The following PRKCA variants were observed in gnomAD, a reference collection of about 807,000 sequenced individuals.
The protein encoded by PRKCA is protein kinase C alpha type.
PRKCA carries 27 observed loss-of-function variants against 87.0 expected under a neutral mutation model. The ratio of observed to expected loss-of-function variants is 0.31; its 90% CI spans 0.23 to 0.43. PRKCA has a LOEUF of 0.43. Among genes scored for constraint, PRKCA ranks in the 20% least tolerant of loss-of-function variants. PRKCA has a pLI of 1.00. For synonymous variants in PRKCA, 329 were observed against 311.1 expected, an observed-to-expected ratio of 1.06 and a Z score of -0.61; for missense variants, 518 against 852.3, an observed-to-expected ratio of 0.61 and a Z score of 4.88.
At chr17:66,625,145 A>G (rs1470060668) in intron 3 of PRKCA, among the ~76,000 whole-genome samples, 2 of 152,222 alleles carry the variant, frequency 1.3e-5, no homozygotes, top group Admixed American at 6.5e-5. Context: ...GTTTCCTCTT[A>G]CGGATACCAA....
chr17:66,589,893 C>G (rs1969744709), intron 3 of PRKCA, among the ~76,000 whole-genome samples: 2 of 152,138 alleles, frequency 1.3e-5, no homozygotes, highest in Admixed American at 6.5e-5. Context: ...GATCATTAGG[C>G]ATTAGATTCT....
rs545334444 is a variant in PRKCA at position 66,686,961 on chromosome 17, T to C, written c.530-150T>C. On this transcript the variant is annotated intron_variant, in intron 5 of 16. Transcript: ENST00000413366. ...TGGTGGCAGCGGGTAGCTTTTCTCA[T>C]GTCGAGTGTTAGAGGCTTTTGGCTT... is the stretch of plus-strand genomic sequence containing the variant. 4 of 678,092 alleles carry C rather than the reference T, an allele frequency of 5.9e-6. No individual in the cohort carries two copies. The South Asian group carries it at 6.6e-5, about 11-fold the overall frequency. The allele number at this position is 678,092 out of a possible 1,614,324, so 42.0% of individuals were successfully genotyped here.
At chr17:66,537,205 T>C (rs1304528852) in intron 3 of PRKCA, among the ~76,000 whole-genome samples, 1 of 152,162 alleles carries the variant, frequency 6.6e-6, no homozygotes, top group Non-Finnish European at 1.5e-5. Flanking sequence ...TTTGTTCTTT[T>C]TGAGGTCTGT....
intron 2 of PRKCA, among the ~76,000 whole-genome samples, chr17:66,307,515 T>C (rs1463299800): frequency 6.6e-6 from 1 of 152,198 alleles, no homozygotes; most frequent in Admixed American, 6.5e-5. Context: ...AGAAAATTTT[T>C]GTACTGAATC....
At chr17:66,623,329 G>A (rs1442519526) in intron 3 of PRKCA, among the ~76,000 whole-genome samples, 2 of 152,060 alleles carry the variant, frequency 1.3e-5, no homozygotes, top group East Asian at 1.9e-4. Flanking sequence ...ACACATCAGC[G>A]GGCAATAGAT....
intron 2 of PRKCA, among the ~76,000 whole-genome samples, chr17:66,453,650 C>T (rs948304217): frequency 6.6e-6 from 1 of 152,100 alleles, no homozygotes; most frequent in Non-Finnish European, 1.5e-5. Context: ...TGCTTGCCTC[C>T]CTTTGCGCCG....
In PRKCA at chr17:66,738,796, C is replaced by T. The variant is rs56286405; in HGVS notation, c.1263C>T (p.Asn421=). Residue 421 remains asparagine (N), a synonymous_variant, in exon 11 of 17, where the codon AAC becomes AAT. Transcript: ENST00000413366. ...TGTACTTCGTCATGGAATATGTCAA[C>T]GGTGGGGACCTCATGTACCACATTC... is the stretch of plus-strand genomic sequence containing the variant. ...DRLYFVMEYV[N]GGDLMYHIQQ... 524 of 1,613,568 alleles carry T rather than the reference C, an allele frequency of 3.2e-4. No individual in the cohort carries two copies. The highest frequency in any genetic ancestry group is 5.8e-4 in the Admixed American group (35 of 59,870).
At chr17:66,709,686 T>C (rs1049853935) in intron 8 of PRKCA, among the ~76,000 whole-genome samples, 3 of 152,138 alleles carry the variant, frequency 2.0e-5, no homozygotes, top group African/African-American at 7.2e-5. Context: ...GATAGGTTTT[T>C]TTTTTTCCCT....
intron 8 of PRKCA, among the ~76,000 whole-genome samples, chr17:66,709,835 A>G (rs1284003190): frequency 6.6e-6 from 1 of 152,166 alleles, no homozygotes; most frequent in Non-Finnish European, 1.5e-5. Flanking sequence ...CAAGATATTG[A>G]AGAGCCTTCT....
intron 2 of PRKCA, among the ~76,000 whole-genome samples, chr17:66,439,186 TC>T (rs893189944): frequency 5.5e-5 from 8 of 145,432 alleles, no homozygotes; most frequent in South Asian, 2.3e-4. Context: ...TTCTTTTCTT[TC>T]TTTTTTTTAT....
At chr17:66,390,348 T>G (rs1910293491) in intron 2 of PRKCA, among the ~76,000 whole-genome samples, 1 of 152,228 alleles carries the variant, frequency 6.6e-6, no homozygotes, top group African/African-American at 2.4e-5. Context: ...AGTCAAAATA[T>G]AGTTATAGGA....
intron 3 of PRKCA, among the ~76,000 whole-genome samples, chr17:66,633,243 G>C (rs1334302631): frequency 1.3e-5 from 2 of 151,842 alleles, no homozygotes; most frequent in Non-Finnish European, 2.9e-5. Flanking sequence ...CATATGACTT[G>C]GTTTTGGTAA....
chr17:66,319,965 A>G (rs1022741447), intron 2 of PRKCA, among the ~76,000 whole-genome samples: 2 of 152,048 alleles, frequency 1.3e-5, no homozygotes, highest in Non-Finnish European at 2.9e-5. Context: ...GCTGGTCTTG[A>G]ACACCTGACC....
intron 16 of PRKCA, among the ~76,000 whole-genome samples, chr17:66,799,568 ATGG>A (rs1267682922): frequency 7.0e-4 from 1 of 1,422 alleles, no homozygotes; most frequent in Non-Finnish European, 1.1e-3. Flanking sequence ...GGTGGTGGTG[ATGG>A]TGGTGGTGGT....
chr17:66,516,939 T>C (rs749457940), intron 3 of PRKCA, among the ~76,000 whole-genome samples: 1 of 152,148 alleles, frequency 6.6e-6, no homozygotes, highest in Non-Finnish European at 1.5e-5. Context: ...TATTGGGTTT[T>C]CTCTCTGGAA....
At chr17:66,321,623 A>G (rs557889963) in intron 2 of PRKCA, among the ~76,000 whole-genome samples, 2 of 152,252 alleles carry the variant, frequency 1.3e-5, no homozygotes, top group East Asian at 1.9e-4. Flanking sequence ...TGCTCACTAC[A>G]ACCTCTGCCT....
intron 2 of PRKCA, among the ~76,000 whole-genome samples, chr17:66,493,869 C>A (rs1916352319): frequency 6.6e-6 from 1 of 152,142 alleles, no homozygotes; most frequent in Admixed American, 6.6e-5. Context: ...ATGATGATGG[C>A]CAATTACTTT....
At position 66,803,102 on chromosome 17, in the gene PRKCA, T is replaced by G. The variant is rs1975937430; in HGVS notation, c.1855-771T>G. On this transcript the variant is annotated intron_variant, in intron 16 of 16. Transcript: ENST00000413366. The surrounding 1 kb of genome is among the most constrained non-coding windows in gnomAD (Gnocchi z 4.4). ...CGGCTGTGTGTCTCAGCGACCCCAG[T>G]GCAACAGTTCTGCCTGGAGTGGACC... 6.6e-6 allele frequency among the ~76,000 whole-genome samples: 1 copy of G among 152,162 alleles called. No homozygotes were observed.
intron 2 of PRKCA, among the ~76,000 whole-genome samples, chr17:66,395,149 T>C (rs965585618): frequency 5.3e-5 from 8 of 152,166 alleles, no homozygotes; most frequent in Non-Finnish European, 8.8e-5. Context: ...CAGTTCTTTA[T>C]AGCAGTCTGA....
Sources: allele counts gnomAD v4.1 joint callset (sites outside exome capture counted in the v4.1 genomes callset), GRCh38; gene constraint gnomAD v4.1.1; non-coding constraint Gnocchi (gnomAD v3.1); transcripts MANE v1.5; gene names NCBI Gene and HGNC (gene_info 2026-07-23, HGNC 2026-07-21).